The following ARID1A variants were observed in gnomAD, a reference collection of about 807,000 sequenced individuals.
ARID1A encodes AT-rich interaction domain 1A.
A neutral mutation model predicts 212.6 loss-of-function variants in ARID1A; 20 were observed. That is an observed-to-expected ratio of 0.09 (90% CI 0.07 to 0.14). The LOEUF (loss-of-function observed/expected upper bound fraction) is 0.14, where lower values mean the gene tolerates loss of function less well. Among genes scored for constraint, ARID1A ranks in the 10% least tolerant of loss-of-function variants. ARID1A has a pLI of 1.00. For missense variants in ARID1A, 2,587 were observed against 3,059.0 expected (o/e 0.85, Z 3.64); for synonymous variants, 1,376 against 1,222.1 (o/e 1.13, Z -2.63).
intron 1 of ARID1A, among the ~76,000 whole-genome samples, chr1:26,703,431 T>G (rs1316162812): frequency 6.6e-6 from 1 of 152,230 alleles, no homozygotes; most frequent in Non-Finnish European, 1.5e-5. Context: ...GATTCATTGA[T>G]TCTGACACCA....
chr1:26,766,661 T>C (rs555367303), intron 10 of ARID1A, 95 bp downstream of exon 10: 5 of 1,253,466 alleles, frequency 4.0e-6, no homozygotes, highest in Non-Finnish European at 5.5e-6. Context: ...ATCCCAGCCT[T>C]TTATGACACC....
At chr1:26,777,216 C>T (rs954512984) in intron 19 of ARID1A, among the ~76,000 whole-genome samples, 1 of 151,802 alleles carries the variant, frequency 6.6e-6, no homozygotes, top group Non-Finnish European at 1.5e-5. Context: ...AGGCAAATGC[C>T]ACCATGTCCA....
intron 1 of ARID1A, 121 bp downstream of exon 1, chr1:26,697,661 T>A: frequency 1.0e-6 from 1 of 973,238 alleles, no homozygotes; most frequent in Non-Finnish European, 1.3e-6. Flanking sequence ...GCTGGGGAGC[T>A]GCCATTGTCT....
rs2124788163 is a variant in ARID1A at position 26,731,222 on chromosome 1, A to G, written c.1421A>G (p.Gln474Arg). ...QQGQTPYYNQQSPHPQQQQPP... is the reference protein window; with the variant it reads ...QQGQTPYYNQRSPHPQQQQPP... ...GGCCAGACTCCATATTACAACCAGC[A>G]AAGTCCTCACCCTCAGCAGCAGCAG... The change falls in exon 3 of 20, where the codon CAA (glutamine) becomes CGA (arginine). Residue 474 changes from glutamine to arginine, a missense_variant. Gln to Arg is a conservative substitution (Grantham distance 43). Transcript: ENST00000324856. The G allele has an allele frequency of 6.2e-7, 1 of 1,613,992 alleles. No individual in the cohort carries two copies. The highest frequency in any genetic ancestry group is 8.5e-7 in the Non-Finnish European group (1 of 1,179,986).
chr1:26,698,271 A>C (rs1430641607), intron 1 of ARID1A, among the ~76,000 whole-genome samples: 1 of 152,200 alleles, frequency 6.6e-6, no homozygotes, highest in Non-Finnish European at 1.5e-5. Context: ...TTGACATCCT[A>C]TCTGTGATCT....
Position 26,697,143 on chromosome 1 carries a change from C to T in ARID1A, c.740C>T (p.Ala247Val), listed in dbSNP as rs764956729. ...GTPGSGAAAA[A>V]GSKPPPSSSA... ...CCGGGCTCCGGCGCGGCGGCGGCTG[C>T]CGGCTCCAAGCCGCCTCCCTCCTCC... The change falls in exon 1 of 20, where the codon GCC becomes GTC. Residue 247 changes from alanine to valine, a missense_variant. Physicochemically the swap from Ala to Val is moderately conservative, Grantham distance 64. Transcript: ENST00000324856. The T allele has an allele frequency of 8.3e-6, 12 of 1,440,298 alleles. No individual in the cohort carries two copies. The highest frequency in any genetic ancestry group is 1.8e-6 in the Non-Finnish European group (2 of 1,100,238). The allele number at this position is 1,440,298 out of a possible 1,614,324, so 89.2% of individuals were successfully genotyped here.
At chr1:26,735,878 C>T (rs1261905611) in intron 4 of ARID1A, among the ~76,000 whole-genome samples, 1 of 152,198 alleles carries the variant, frequency 6.6e-6, no homozygotes, top group East Asian at 1.9e-4. Flanking sequence ...CTTCCCTTTG[C>T]CTCATACTTT....
At chr1:26,772,346 CTGGCCTTGT>C (rs1484665427) in intron 12 of ARID1A, 145 bp from the exon 13 acceptor site, 1 of 1,095,404 alleles carries the variant, frequency 9.1e-7, no homozygotes, top group African/African-American at 1.6e-5. Context: ...TCTTTATGAC[CTGGCCTTGT>C]AGATCCTCTG....
At chr1:26,759,187 G>A (rs1461102898) in intron 4 of ARID1A, among the ~76,000 whole-genome samples, 4 of 151,990 alleles carry the variant, frequency 2.6e-5, no homozygotes, top group African/African-American at 4.8e-5. Context: ...TGGTGTTTTC[G>A]GTTTTGTTTT....
At chr1:26,736,215 T>G (rs1389196525) in intron 4 of ARID1A, among the ~76,000 whole-genome samples, 1 of 150,674 alleles carries the variant, frequency 6.6e-6, no homozygotes, top group East Asian at 2.0e-4. Flanking sequence ...TCCCAGCTAT[T>G]TGGGAGGCAG....
At chr1:26,776,376 C>G (rs941781428) in intron 19 of ARID1A, among the ~76,000 whole-genome samples, 4 of 151,624 alleles carry the variant, frequency 2.6e-5, no homozygotes, top group Admixed American at 6.6e-5. Flanking sequence ...TGGGTACATG[C>G]CATTCTCCTG....
chr1:26,697,186 G>C lies in ARID1A; in HGVS notation c.783G>C (p.Ser261=). 2 of 1,426,672 alleles carry C rather than the reference G, an allele frequency of 1.4e-6. No individual in the cohort carries two copies. Among genetic ancestry groups the C allele is most frequent in the Non-Finnish European group, 1.8e-6 (2 of 1,096,432 alleles). The allele number at this position is 1,426,672 out of a possible 1,614,324, so 88.4% of individuals were successfully genotyped here. A position where few individuals can be genotyped will look rare whatever the true frequency, so the allele number is the denominator to read the frequency against. The part of the protein sequence containing the change: ...PPPSSSASAS[S]SSSSFAQQRF... ...CCTCCTCCAGCGCCTCCGCCTCCTC[G>C]TCGTCTTCGTCCTTCGCTCAGCAGC... The change falls in exon 1 of 20, where the codon TCG becomes TCC. Residue 261 remains serine, a synonymous_variant. Transcript: ENST00000324856.
Position 26,732,799 on chromosome 1 carries a change from A to G in ARID1A, c.1920+7A>G. On this transcript the variant is annotated splice_region_variant and intron_variant, in intron 4 of 19. Transcript: ENST00000324856. ...AAGACCCTCCAGCTTGCCTGTGAGTATTTCTGCACCTTCTGAAAGGTGATA... is the reference window on the plus strand; with the variant it reads ...AAGACCCTCCAGCTTGCCTGTGAGTGTTTCTGCACCTTCTGAAAGGTGATA... The G allele has an allele frequency of 6.2e-7, 1 of 1,603,718 alleles. No individual in the cohort carries two copies. Among genetic ancestry groups the G allele is most frequent in the Non-Finnish European group, 8.5e-7 (1 of 1,170,696 alleles).
chr1:26,768,758 A>G (rs1328797726), intron 11 of ARID1A, among the ~76,000 whole-genome samples: 1 of 152,194 alleles, frequency 6.6e-6, no homozygotes, highest in Non-Finnish European at 1.5e-5. Flanking sequence ...CAGGAAGCAA[A>G]CAGGTGAGGC....
chr1:26,712,039 C>T (rs1257850622), intron 1 of ARID1A, among the ~76,000 whole-genome samples: 1 of 152,042 alleles, frequency 6.6e-6, no homozygotes, highest in African/African-American at 2.4e-5. Flanking sequence ...CATGATGGCA[C>T]CACTGCACTC....
chr1:26,770,841 C>T (rs747615982), intron 11 of ARID1A: 14 of 421,008 alleles, frequency 3.3e-5, no homozygotes, highest in Non-Finnish European at 4.7e-5. Flanking sequence ...ACTAAAAAAC[C>T]GGACTCTGAA....
Position 26,702,700 on chromosome 1 carries a change from G to C in ARID1A, c.1137+5160G>C, listed in dbSNP as rs146474216. Among the ~76,000 whole-genome samples the C allele has an allele frequency of 4.5e-4, 69 of 152,306 alleles. No individual in the cohort carries two copies. In the East Asian group the frequency reaches 7.5e-3, roughly 17 times the overall value. ...AAGACTTGGGGATAGGAAAAGGGTA[G>C]TGCTGGGGGGCAGTGAGTGTGGAGA... On this transcript the variant is annotated intron_variant, in intron 1 of 19. Coordinates refer to ENST00000324856, the MANE Select transcript of ARID1A (RefSeq NM_006015.6).
chr1:26,721,207 G>C (rs2080561316), intron 1 of ARID1A, among the ~76,000 whole-genome samples: 1 of 151,972 alleles, frequency 6.6e-6, no homozygotes, highest in South Asian at 2.1e-4. Context: ...ACCCTGGTTT[G>C]TTTTTGTTTT....
In ARID1A at chr1:26,767,800, C is replaced by G. The variant is rs2124085936; in HGVS notation, c.2999C>G (p.Ser1000Cys). Residue 1000 changes from serine to cysteine, a missense_variant, in exon 11 of 20, where the codon TCT becomes TGT. Coordinates refer to ENST00000324856, the MANE Select transcript of ARID1A (RefSeq NM_006015.6). ...KTESKSKKSS[S>C]STTTNEKITK... ...ACCTGAACCTTCCAGAAATCCAGTT[C>G]TTCTACTACAACCAATGAGAAGATC... 6.2e-7 allele frequency: 1 copy of G among 1,613,240 alleles called. No homozygotes were observed. Among genetic ancestry groups the G allele is most frequent in the Non-Finnish European group, 8.5e-7 (1 of 1,179,546 alleles).
Sources: allele counts gnomAD v4.1 joint callset (sites outside exome capture counted in the v4.1 genomes callset), GRCh38; gene constraint gnomAD v4.1.1; transcripts MANE v1.5; gene names NCBI Gene and HGNC (gene_info 2026-07-23, HGNC 2026-07-21).